ZMIZ1: variants seen among roughly 807,000 people sequenced by gnomAD.
ZMIZ1 encodes zinc finger MIZ domain-containing protein 1.
ZMIZ1 carries 17 observed loss-of-function variants against 113.9 expected under a neutral mutation model. The observed-to-expected ratio is 0.15, with a 90% CI of 0.10 to 0.22. ZMIZ1 has a LOEUF of 0.22. ZMIZ1 is among the 10% of genes least tolerant of loss of function. The pLI is 1.00. For missense variants in ZMIZ1, 1,059 were observed against 1,477.8 expected, an observed-to-expected ratio of 0.72 and a Z score of 4.65; for synonymous variants, 607 against 603.1, an observed-to-expected ratio of 1.01 and a Z score of -0.09.
At chr10:79,239,921 C>T (rs1400319922) in intron 7 of ZMIZ1, among the ~76,000 whole-genome samples, 1 of 116,946 alleles carries the variant, frequency 8.6e-6, no homozygotes, top group Admixed American at 1.2e-4. Context: ...CCCAGTTGGT[C>T]TTGCAGAGGC....
intron 4 of ZMIZ1, among the ~76,000 whole-genome samples, chr10:79,186,888 G>A (rs918522672): frequency 6.6e-5 from 10 of 152,194 alleles, no homozygotes; most frequent in African/African-American, 2.4e-4. Context: ...GGCTTTCCCT[G>A]CCCACTCTCT....
chr10:79,201,968 A>C (rs1262533276), intron 5 of ZMIZ1, among the ~76,000 whole-genome samples: 5 of 148,364 alleles, frequency 3.4e-5, no homozygotes, highest in Non-Finnish European at 7.4e-5. Flanking sequence ...ATGTGCAAGG[A>C]TGTAGTGATG....
At chr10:79,227,519 T>C (rs79252321) in intron 7 of ZMIZ1, among the ~76,000 whole-genome samples, 2,047 of 152,320 alleles carry the variant, frequency 0.013, 21 homozygotes, top group Non-Finnish European at 0.022. Context: ...CTTTGTGCCA[T>C]GGTTCTCTCG....
At chr10:79,293,299 T>G in intron 11 of ZMIZ1, 82 bp from the exon 12 acceptor site, 14 of 972,820 alleles carry the variant, frequency 1.4e-5, no homozygotes, top group East Asian at 3.4e-5. Flanking sequence ...TCCCCAACCC[T>G]TCCCTCCCTG....
chr10:79,117,644 T>G (rs551924153), intron 1 of ZMIZ1, among the ~76,000 whole-genome samples: 7 of 152,318 alleles, frequency 4.6e-5, no homozygotes, highest in African/African-American at 1.7e-4. Context: ...GACATGGAGT[T>G]CCTGGGTCAT....
At position 79,297,549 on chromosome 10, in the gene ZMIZ1, G is replaced by C. The variant is rs951185120; in HGVS notation, c.1414-64G>C. On this transcript the variant is annotated intron_variant, in intron 13 of 24. Transcript: ENST00000334512. ...CTCCTGGTAGATTTTACTGTCCAGAGGGAGAGCGGGCTTCTGATGGCTTTT... is the reference window on the plus strand; with the variant it reads ...CTCCTGGTAGATTTTACTGTCCAGACGGAGAGCGGGCTTCTGATGGCTTTT... 7 of 1,405,032 alleles carry C rather than the reference G, an allele frequency of 5.0e-6. No individual in the cohort carries two copies. The South Asian group carries it at 8.1e-5, about 16-fold the overall frequency. The allele number at this position is 1,405,032 out of a possible 1,614,324, so 87.0% of individuals were successfully genotyped here.
chr10:79,132,382 C>G (rs1336293093), intron 2 of ZMIZ1, among the ~76,000 whole-genome samples: 1 of 152,180 alleles, frequency 6.6e-6, no homozygotes, highest in African/African-American at 2.4e-5. Flanking sequence ...TGTCTGAGCC[C>G]AGGTCCTCGT....
At chr10:79,095,085 C>T (rs1843127022) in intron 1 of ZMIZ1, among the ~76,000 whole-genome samples, 1 of 152,176 alleles carries the variant, frequency 6.6e-6, no homozygotes, top group African/African-American at 2.4e-5. Context: ...GACTCTCAGA[C>T]CAGCCTAGGT....
At chr10:79,297,984 A>G (rs1854021633) in intron 14 of ZMIZ1, among the ~76,000 whole-genome samples, 1 of 152,026 alleles carries the variant, frequency 6.6e-6, no homozygotes, top group African/African-American at 2.4e-5. Flanking sequence ...CCACCTGGGG[A>G]CCCTGATGGG....
intron 8 of ZMIZ1, among the ~76,000 whole-genome samples, chr10:79,280,212 C>T (rs1024360526): frequency 1.3e-5 from 2 of 151,952 alleles, no homozygotes; most frequent in Admixed American, 6.6e-5. Context: ...CTCCTAAGCT[C>T]AAGGAATCTG....
At chr10:79,258,744 A>G (rs1296653050) in intron 7 of ZMIZ1, among the ~76,000 whole-genome samples, 1 of 152,140 alleles carries the variant, frequency 6.6e-6, no homozygotes, top group Non-Finnish European at 1.5e-5. Flanking sequence ...TGAGCCTTCC[A>G]TGAGTCTGAA....
chr10:79,147,618 C>G (rs1845545054), intron 3 of ZMIZ1, among the ~76,000 whole-genome samples: 1 of 152,186 alleles, frequency 6.6e-6, no homozygotes, highest in Non-Finnish European at 1.5e-5. Context: ...TATTTTCTTC[C>G]CATTGGATGG....
intron 7 of ZMIZ1, among the ~76,000 whole-genome samples, chr10:79,273,921 GGA>G (rs1040046367): frequency 3.3e-5 from 5 of 152,378 alleles, no homozygotes; most frequent in Admixed American, 1.3e-4. Context: ...CCCGTCTGTG[GGA>G]GAGAGGCAGT....
chr10:79,100,624 T>C (rs111447345), intron 1 of ZMIZ1, among the ~76,000 whole-genome samples: 1 of 152,092 alleles, frequency 6.6e-6, no homozygotes. Context: ...CAGATCTGAT[T>C]TGCAGACCAG....
chr10:79,302,879 T>TTTTTG (rs1564601581), intron 18 of ZMIZ1, among the ~76,000 whole-genome samples: 1 of 142,242 alleles, frequency 7.0e-6, no homozygotes, highest in African/African-American at 2.6e-5. Context: ...TTTTTTTTTT[T>TTTTTG]GAGACGGAGT....
intron 7 of ZMIZ1, among the ~76,000 whole-genome samples, chr10:79,261,198 C>A (rs1028373604): frequency 2.0e-5 from 3 of 152,190 alleles, no homozygotes; most frequent in African/African-American, 7.2e-5. Context: ...GGTTTTTGAC[C>A]CGGCCGGCCC....
Position 79,114,140 on chromosome 10 carries a change from G to T in ZMIZ1, c.-336-4775G>T, listed in dbSNP as rs1009080921. The stretch of plus-strand genomic sequence containing the variant: ...TTTCTATCCAGCGGCAGACTTCCCT[G>T]CCCGGCAGGAGCTGGCTCCCCAGGT... On this transcript the variant is annotated intron_variant, in intron 1 of 24. Coordinates refer to ENST00000334512, the MANE Select transcript of ZMIZ1 (RefSeq NM_020338.4). Among the ~76,000 whole-genome samples the T allele has an allele frequency of 3.3e-5, 5 of 152,364 alleles. No homozygotes were observed. In the South Asian group the frequency reaches 8.3e-4, roughly 25 times the overall value.
chr10:79,144,367 C>T (rs1053044871), intron 3 of ZMIZ1, among the ~76,000 whole-genome samples: 1 of 152,222 alleles, frequency 6.6e-6, no homozygotes, highest in Non-Finnish European at 1.5e-5. Context: ...CTGTCTTAGA[C>T]TATCCAGGCT....
chr10:79,309,757 G>T (rs1179691024), intron 23 of ZMIZ1, among the ~76,000 whole-genome samples: 1 of 152,222 alleles, frequency 6.6e-6, no homozygotes, highest in African/African-American at 2.4e-5. Context: ...GAACATGTCA[G>T]TGTGTTCTGT....
Sources: allele counts gnomAD v4.1 joint callset (sites outside exome capture counted in the v4.1 genomes callset), GRCh38; gene constraint gnomAD v4.1.1; transcripts MANE v1.5; gene names NCBI Gene and HGNC (gene_info 2026-07-23, HGNC 2026-07-21).